Variants in MTUS2 observed in about 807,000 individuals in gnomAD.
MTUS2 encodes the protein microtubule-associated tumor suppressor candidate 2.
MTUS2 carries 40 observed loss-of-function variants against 114.1 expected under a neutral mutation model. That is an observed-to-expected ratio of 0.35 (90% CI 0.27 to 0.46). MTUS2 has a LOEUF of 0.46. Among genes scored for constraint, MTUS2 ranks in the 20% least tolerant of loss-of-function variants. MTUS2 has a pLI of 1.00. For missense variants in MTUS2, 1,679 were observed against 1,705.4 expected, an observed-to-expected ratio of 0.98 and a Z score of 0.27; for synonymous variants, 688 against 672.0, an observed-to-expected ratio of 1.02 and a Z score of -0.37.
intron 1 of MTUS2, among the ~76,000 whole-genome samples, chr13:28,826,107 A>G (rs1287861660): frequency 6.6e-6 from 1 of 152,182 alleles, no homozygotes; most frequent in East Asian, 1.9e-4. Context: ...ATTACATATA[A>G]CCAATAATTG....
intron 4 of MTUS2, among the ~76,000 whole-genome samples, chr13:29,083,682 A>AT (rs1253506680): frequency 6.6e-6 from 1 of 152,184 alleles, no homozygotes; most frequent in East Asian, 1.9e-4. Context: ...TTGAGTTCTT[A>AT]TATGAAGGAA....
chr13:29,177,206 A>G (rs925814712), intron 5 of MTUS2, among the ~76,000 whole-genome samples: 7 of 151,074 alleles, frequency 4.6e-5, no homozygotes, highest in African/African-American at 1.7e-4. Context: ...TTGCAGACAT[A>G]GTTCTAGAAT....
At chr13:28,937,533 A>G (rs951353518) in intron 2 of MTUS2, among the ~76,000 whole-genome samples, 7 of 152,096 alleles carry the variant, frequency 4.6e-5, no homozygotes, top group African/African-American at 1.4e-4. Context: ...TTTAAGAGCT[A>G]TAAGCGAAGG....
At chr13:29,129,185 C>G (rs1217445355) in intron 5 of MTUS2, among the ~76,000 whole-genome samples, 1 of 118,962 alleles carries the variant, frequency 8.4e-6, no homozygotes, top group Non-Finnish European at 1.7e-5. Flanking sequence ...TTTCCCCTGG[C>G]AGTCTTTTTT....
intron 5 of MTUS2, among the ~76,000 whole-genome samples, chr13:29,197,954 C>CT (rs1894772395): frequency 6.6e-6 from 1 of 152,112 alleles, no homozygotes; most frequent in Non-Finnish European, 1.5e-5. Flanking sequence ...GATATTAGCC[C>CT]TTTGTCAGAT....
chr13:29,369,353 A>G (rs908909110), intron 8 of MTUS2, among the ~76,000 whole-genome samples: 20 of 152,148 alleles, frequency 1.3e-4, no homozygotes, highest in African/African-American at 4.1e-4. Context: ...GCCCGGAGAA[A>G]AGAACTCATG....
At chr13:29,401,893 A>G (rs1874378819) in intron 8 of MTUS2, among the ~76,000 whole-genome samples, 1 of 152,174 alleles carries the variant, frequency 6.6e-6, no homozygotes. Context: ...GCTCATTGGG[A>G]TTTAAATTTT....
intron 6 of MTUS2, among the ~76,000 whole-genome samples, chr13:29,299,211 A>T (rs963302932): frequency 6.6e-6 from 1 of 152,180 alleles, no homozygotes; most frequent in Non-Finnish European, 1.5e-5. Context: ...GGAGAGCCAC[A>T]TGAGTGCATG....
intron 2 of MTUS2, among the ~76,000 whole-genome samples, chr13:28,913,966 T>C (rs1880601558): frequency 6.6e-6 from 1 of 152,158 alleles, no homozygotes; most frequent in African/African-American, 2.4e-5. Context: ...ATATCCCCCT[T>C]ATCATTTCTG....
intron 4 of MTUS2, among the ~76,000 whole-genome samples, chr13:29,075,022 C>T (rs1889120828): frequency 6.6e-6 from 1 of 152,134 alleles, no homozygotes; most frequent in Non-Finnish European, 1.5e-5. Flanking sequence ...TTCTCAAGCC[C>T]CAGCCCCTGG....
chr13:28,893,463 G>A (rs1481105109), intron 2 of MTUS2, among the ~76,000 whole-genome samples: 1 of 152,192 alleles, frequency 6.6e-6, no homozygotes, highest in Non-Finnish European at 1.5e-5. Context: ...AGTGCCGAAG[G>A]TAAAGCCATT....
intron 8 of MTUS2, among the ~76,000 whole-genome samples, chr13:29,395,340 C>T (rs564318435): frequency 2.1e-4 from 32 of 151,868 alleles, no homozygotes; most frequent in Non-Finnish European, 4.1e-4. Flanking sequence ...AAGGTGTTGG[C>T]GAAGGATGTG....
intron 2 of MTUS2, among the ~76,000 whole-genome samples, chr13:28,925,564 T>A (rs1451053786): frequency 6.6e-6 from 1 of 152,214 alleles, no homozygotes; most frequent in Non-Finnish European, 1.5e-5. Context: ...GGCTCACATT[T>A]CTCTGTGGAG....
intron 7 of MTUS2, chr13:29,339,992 A>C (rs1469999522): frequency 6.6e-6 from 1 of 152,410 alleles, no homozygotes; most frequent in Non-Finnish European, 1.5e-5. Flanking sequence ...AGCTTCCAGA[A>C]GTTTCCGAAG....
intron 8 of MTUS2, among the ~76,000 whole-genome samples, chr13:29,407,466 A>AT (rs947038147): frequency 7.4e-6 from 1 of 135,826 alleles, no homozygotes; most frequent in Admixed American, 7.3e-5. Context: ...TTATTTATTT[A>AT]TTTATTTATT....
At chr13:29,167,124 C>T (rs1593549131) in intron 5 of MTUS2, among the ~76,000 whole-genome samples, 1 of 152,260 alleles carries the variant, frequency 6.6e-6, no homozygotes, top group Middle Eastern at 3.4e-3. Flanking sequence ...CCTGTAATCC[C>T]AGCACTTTGG....
intron 9 of MTUS2, among the ~76,000 whole-genome samples, chr13:29,440,418 C>T (rs1276707462): frequency 2.0e-5 from 3 of 152,148 alleles, no homozygotes; most frequent in Non-Finnish European, 4.4e-5. Flanking sequence ...TCTACCCTGT[C>T]GTGAAATACT....
At chr13:29,005,233 C>G (rs1341273919) in intron 2 of MTUS2, among the ~76,000 whole-genome samples, 2 of 152,156 alleles carry the variant, frequency 1.3e-5, no homozygotes, top group Non-Finnish European at 2.9e-5. Flanking sequence ...TACTCAGCCA[C>G]CAGCATTATG....
chr13:29,248,913 T>A (rs1897023559), intron 5 of MTUS2, among the ~76,000 whole-genome samples: 1 of 152,252 alleles, frequency 6.6e-6, no homozygotes, highest in Admixed American at 6.5e-5. Flanking sequence ...GCCTTTGTTA[T>A]TGTGAATAGT....
Sources: allele counts gnomAD v4.1 joint callset (sites outside exome capture counted in the v4.1 genomes callset), GRCh38; gene constraint gnomAD v4.1.1; transcripts MANE v1.5; gene names NCBI Gene and HGNC (gene_info 2026-07-23, HGNC 2026-07-21).